The following CLCN1 variants were observed in gnomAD, a reference collection of about 807,000 sequenced individuals.
The protein encoded by CLCN1 is chloride channel protein 1.
CLCN1 carries 100 observed loss-of-function variants against 114.5 expected under a neutral mutation model. That is an observed-to-expected ratio of 0.87 (90% CI 0.74 to 1.03). The LOEUF (loss-of-function observed/expected upper bound fraction) is 1.03, where lower values mean the gene tolerates loss of function less well. CLCN1 is among the 50% of genes least tolerant of loss of function. The probability of loss-of-function intolerance (pLI) is 0.00; values close to 1 mark genes in which losing one functional copy is unlikely to be tolerated. For synonymous variants in CLCN1, 485 were observed against 487.1 expected, an observed-to-expected ratio of 1.00 and a Z score of 0.06; for missense variants, 1,188 against 1,250.0, an observed-to-expected ratio of 0.95 and a Z score of 0.75.
chr7:143,342,225 GT>G, intron 15 of CLCN1, 83 bp downstream of exon 15: 2 of 1,511,412 alleles, frequency 1.3e-6, no homozygotes, highest in South Asian at 2.3e-5. Flanking sequence ...TAGAGTTAAA[GT>G]TTGGAAACAC....
chr7:143,350,538 C>G lies in CLCN1; in HGVS notation c.2509-30C>G, dbSNP rs184837220. Reference sequence around the variant, plus strand: ...GGCAGGAGAGCTGTGGGGCAAGGAACATGCACTGACCTGTGCTCTTCATCC... The same window carrying G: ...GGCAGGAGAGCTGTGGGGCAAGGAAGATGCACTGACCTGTGCTCTTCATCC... On this transcript the variant is annotated intron_variant, in intron 21 of 22. Transcript: ENST00000343257. This position sits in a 1 kb window ranked among gnomAD's most constrained non-coding sequence, Gnocchi z 5.1. The G allele has an allele frequency of 7.0e-5, 113 of 1,610,364 alleles. No homozygotes were observed. In the East Asian group the frequency reaches 2.4e-3, roughly 34 times the overall value.
chr7:143,346,090 G>T, intron 17 of CLCN1, 50 bp from the exon 18 acceptor site: 1 of 1,210,132 alleles, frequency 8.3e-7, no homozygotes. Context: ...GGCAGTGAAG[G>T]CCCAGGCAGT....
intron 20 of CLCN1, among the ~76,000 whole-genome samples, chr7:143,349,619 A>C (rs964476851): frequency 6.6e-6 from 1 of 152,240 alleles, no homozygotes; most frequent in African/African-American, 2.4e-5. Flanking sequence ...TGTCATAGAC[A>C]AAAACAAACA....
In CLCN1 at chr7:143,342,148, G is replaced by A. The variant is rs1803096842; in HGVS notation, c.1796+6G>A. The A allele has an allele frequency of 6.2e-7, 1 of 1,613,318 alleles. No individual in the cohort carries two copies. The highest frequency in any genetic ancestry group is 1.1e-5 in the South Asian group (1 of 91,064). On this transcript the variant is annotated splice_donor_region_variant and intron_variant, in intron 15 of 22. Coordinates refer to ENST00000343257, the MANE Select transcript of CLCN1 (RefSeq NM_000083.3). ...CTTGGCTGGAACCAGCTCAGGTCAGGGGCACTAGACGGAATTAGTTCAGAT... is the reference window on the plus strand; with the variant it reads ...CTTGGCTGGAACCAGCTCAGGTCAGAGGCACTAGACGGAATTAGTTCAGAT...
chr7:143,316,269 C>G lies in CLCN1; in HGVS notation c.57C>G (p.Asp19Glu), dbSNP rs886062031. 6.2e-7 allele frequency: 1 copy of G among 1,613,216 alleles called. No individual in the cohort carries two copies. The highest frequency in any genetic ancestry group is 8.5e-7 in the Non-Finnish European group (1 of 1,179,394). Residue 19 changes from aspartate to glutamate, a missense_variant, in exon 1 of 23, where the codon GAC (aspartate) becomes GAG (glutamate). By Grantham distance (45) the Asp-to-Glu change is conservative. Coordinates refer to ENST00000343257, the MANE Select transcript of CLCN1 (RefSeq NM_000083.3). Reference protein sequence around the residue: ...RGGEQSWWGSDPQYQYMPFEH... With the variant: ...RGGEQSWWGSEPQYQYMPFEH... ...GTGAACAAAGCTGGTGGGGTAGTGACCCCCAGTACCAGTATATGCCCTTTG... is the reference window on the plus strand; with the variant it reads ...GTGAACAAAGCTGGTGGGGTAGTGAGCCCCAGTACCAGTATATGCCCTTTG...
At position 143,350,829 on chromosome 7, in the gene CLCN1, G is replaced by A. The variant is rs754025446; in HGVS notation, c.2595+175G>A. ...TTTCACTCTTGTCGCCCAGGCTGGAGTGCAGTGGCGTGATCTCAGCTCACT... is the reference window on the plus strand; with the variant it reads ...TTTCACTCTTGTCGCCCAGGCTGGAATGCAGTGGCGTGATCTCAGCTCACT... On this transcript the variant is annotated intron_variant, in intron 22 of 22. Coordinates refer to ENST00000343257, the MANE Select transcript of CLCN1 (RefSeq NM_000083.3). This position sits in a 1 kb window ranked among gnomAD's most constrained non-coding sequence, Gnocchi z 5.1. Among the ~76,000 whole-genome samples the A allele has an allele frequency of 3.3e-5, 5 of 151,098 alleles. No individual in the cohort carries two copies. The highest frequency in any genetic ancestry group is 4.9e-5 in the African/African-American group (2 of 41,032).
intron 7 of CLCN1, 71 bp from the exon 8 acceptor site, chr7:143,330,701 C>T: frequency 6.2e-7 from 1 of 1,606,798 alleles, no homozygotes; most frequent in Non-Finnish European, 8.5e-7. Context: ...TCCTTAGGTC[C>T]AAGCAGTGGG....
intron 16 of CLCN1, among the ~76,000 whole-genome samples, chr7:143,344,217 AC>A (rs1299556511): frequency 1.3e-5 from 2 of 152,184 alleles, no homozygotes; most frequent in African/African-American, 4.8e-5. Flanking sequence ...CCATCATTTG[AC>A]ACTTCATCCT....
intron 16 of CLCN1, 103 bp from the exon 17 acceptor site, chr7:143,345,418 C>T: frequency 7.2e-7 from 1 of 1,379,946 alleles, no homozygotes; most frequent in East Asian, 2.6e-5. Flanking sequence ...TGTGGGGACG[C>T]CGGGCAGGGT....
intron 20 of CLCN1, among the ~76,000 whole-genome samples, chr7:143,348,784 G>A (rs963323205): frequency 6.6e-6 from 1 of 152,102 alleles, no homozygotes; most frequent in African/African-American, 2.4e-5. Context: ...AACCGGTACC[G>A]AGCTTATTCA....
intron 10 of CLCN1, among the ~76,000 whole-genome samples, chr7:143,332,011 T>C (rs182584232): frequency 1.3e-5 from 2 of 152,254 alleles, no homozygotes; most frequent in East Asian, 3.9e-4. Context: ...GTATTTTTAG[T>C]AGAGATGGAG....
At chr7:143,341,135 G>A (rs2116370276) in intron 14 of CLCN1, among the ~76,000 whole-genome samples, 1 of 152,226 alleles carries the variant, frequency 6.6e-6, no homozygotes, top group Admixed American at 6.5e-5. Context: ...AGCAGGATCT[G>A]ACACAGGTCT....
intron 2 of CLCN1, 40 bp from the exon 3 acceptor site, chr7:143,320,624 T>G (rs1802403107): frequency 2.5e-6 from 4 of 1,568,644 alleles, no homozygotes; most frequent in African/African-American, 2.7e-5. Flanking sequence ...TTTGTTTGTT[T>G]GTTGTTTGTT....
Position 143,331,566 on chromosome 7 carries a change from C to T in CLCN1, c.1080C>T (p.Leu360=). Residue 360 remains leucine (L), a synonymous_variant, in exon 10 of 23, where the codon CTC becomes CTT. Coordinates refer to ENST00000343257, the MANE Select transcript of CLCN1 (RefSeq NM_000083.3). The part of the protein sequence containing the change: ...AFAAIGICCG[L]LGAVFVYLHR... ...ACACCCTCAGGATTTGCTGTGGGCT[C>T]CTGGGAGCTGTATTTGTGTATCTGC... The T allele has an allele frequency of 6.2e-7, 1 of 1,613,766 alleles. No homozygotes were observed. The highest frequency in any genetic ancestry group is 1.1e-5 in the South Asian group (1 of 91,080).
At chr7:143,317,826 C>A (rs1034025345) in intron 1 of CLCN1, among the ~76,000 whole-genome samples, 2 of 152,022 alleles carry the variant, frequency 1.3e-5, no homozygotes, top group Non-Finnish European at 2.9e-5. Flanking sequence ...TCTGACTAGG[C>A]CTTTGAACAC....
chr7:143,320,568 TC>T, intron 2 of CLCN1, 95 bp from the exon 3 acceptor site: 2 of 1,022,760 alleles, frequency 2.0e-6, no homozygotes, highest in Non-Finnish European at 1.4e-6. Context: ...TCTCTCTCTC[TC>T]TCTCTCTCTC....
At chr7:143,320,926 A>C in intron 3 of CLCN1, 131 bp downstream of exon 3, 5 of 1,108,562 alleles carry the variant, frequency 4.5e-6, no homozygotes, top group Non-Finnish European at 6.8e-6. Context: ...GAGAGGGATC[A>C]GGTGGGACTC....
At chr7:143,336,654 G>A (rs575506666) in intron 12 of CLCN1, among the ~76,000 whole-genome samples, 73 of 64,530 alleles carry the variant, frequency 1.1e-3, no homozygotes, top group Admixed American at 5.4e-3. Flanking sequence ...AGGAAGGAAG[G>A]AAGGGAAAGA....
At chr7:143,336,550 C>T (rs1802899173) in intron 12 of CLCN1, among the ~76,000 whole-genome samples, 1 of 131,458 alleles carries the variant, frequency 7.6e-6, no homozygotes, top group Non-Finnish European at 1.5e-5. Context: ...CCAGAGGTGG[C>T]AGTGAGCTGA....
Sources: allele counts gnomAD v4.1 joint callset (sites outside exome capture counted in the v4.1 genomes callset), GRCh38; gene constraint gnomAD v4.1.1; non-coding constraint Gnocchi (gnomAD v3.1); transcripts MANE v1.5; gene names NCBI Gene and HGNC (gene_info 2026-07-23, HGNC 2026-07-21).